Variants in PELI2 observed in about 807,000 individuals in gnomAD.
The protein encoded by PELI2 is pellino E3 ubiquitin protein ligase family member 2, also known as E3 ubiquitin-protein ligase pellino homolog 2.
A neutral mutation model predicts 42.3 loss-of-function variants in PELI2; 23 were observed. That is an observed-to-expected ratio of 0.54 (90% confidence interval 0.39 to 0.77). The LOEUF (loss-of-function observed/expected upper bound fraction) is 0.77. Among genes scored for constraint, PELI2 ranks in the 30% least tolerant of loss-of-function variants. PELI2 has a pLI of 0.00. For missense variants in PELI2, 463 were observed against 553.2 expected (o/e 0.84, Z 1.64); for synonymous variants, 245 against 212.2 (o/e 1.15, Z -1.34).
intron 3 of PELI2, among the ~76,000 whole-genome samples, chr14:56,285,125 T>A (rs755598312): frequency 6.6e-6 from 1 of 152,186 alleles, no homozygotes; most frequent in Non-Finnish European, 1.5e-5. Context: ...GAAAAGAATC[T>A]AGGTGGCAAG....
At chr14:56,227,910 C>T (rs1887419163) in intron 2 of PELI2, among the ~76,000 whole-genome samples, 1 of 152,118 alleles carries the variant, frequency 6.6e-6, no homozygotes, top group Admixed American at 6.5e-5. Context: ...AGTATAAGCA[C>T]CGAAGTAAAT....
chr14:56,222,553 C>A (rs1887179189), intron 2 of PELI2, among the ~76,000 whole-genome samples: 1 of 152,066 alleles, frequency 6.6e-6, no homozygotes, highest in Non-Finnish European at 1.5e-5. Context: ...GATATCATGC[C>A]TTAAAATGAA....
chr14:56,180,959 C>G lies in PELI2; in HGVS notation c.207+2495C>G, dbSNP rs1174407181. Among the ~76,000 whole-genome samples the G allele has an allele frequency of 1.3e-5, 2 of 152,156 alleles. No individual in the cohort carries two copies. The highest frequency in any genetic ancestry group is 2.9e-5 in the Non-Finnish European group (2 of 68,018). On this transcript the variant is annotated intron_variant, in intron 2 of 5. Coordinates refer to ENST00000267460, the MANE Select transcript of PELI2 (RefSeq NM_021255.3). This position sits in a 1 kb window ranked among gnomAD's most constrained non-coding sequence, Gnocchi z 4.4. ...TGAATGCACTCTTTTGTTATTTTTT[C>G]CATCTTATGTTTGTGGAACATATTT...
chr14:56,288,677 G>C lies in PELI2; in HGVS notation c.507+43G>C. The stretch of plus-strand genomic sequence containing the variant: ...GTACACGATTTCTAGAAAAATGCTT[G>C]TGATTATGATATGGAACATTTAATT... On this transcript the variant is annotated intron_variant, in intron 4 of 5. Transcript: ENST00000267460. This position sits in a 1 kb window ranked among gnomAD's most constrained non-coding sequence, Gnocchi z 4.6. The C allele has an allele frequency of 6.8e-7, 1 of 1,462,060 alleles. No individual in the cohort carries two copies. The allele number at this position is 1,462,060 out of a possible 1,614,324, so 90.6% of individuals were successfully genotyped here.
At chr14:56,230,244 A>G (rs1566651730) in intron 2 of PELI2, among the ~76,000 whole-genome samples, 1 of 152,214 alleles carries the variant, frequency 6.6e-6, no homozygotes, top group Non-Finnish European at 1.5e-5. Flanking sequence ...CATGAAATAC[A>G]GAGAATGCCA....
chr14:56,265,494 T>G (rs1888868863), intron 2 of PELI2, among the ~76,000 whole-genome samples: 2 of 152,100 alleles, frequency 1.3e-5, no homozygotes, highest in Non-Finnish European at 2.9e-5. Context: ...AAACTAAATA[T>G]AAAACTTCTA....
intron 2 of PELI2, among the ~76,000 whole-genome samples, chr14:56,240,768 T>A (rs562869354): frequency 6.6e-6 from 1 of 152,128 alleles, no homozygotes; most frequent in African/African-American, 2.4e-5. Context: ...TGGATGGATG[T>A]GGGTCCCCAA....
chr14:56,247,011 A>C (rs540183613), intron 2 of PELI2, among the ~76,000 whole-genome samples: 1 of 152,320 alleles, frequency 6.6e-6, no homozygotes, highest in East Asian at 1.9e-4. Context: ...TCTACTGCTT[A>C]CTTTCTGTAC....
At chr14:56,176,726 G>A (rs1885399987) in intron 1 of PELI2, among the ~76,000 whole-genome samples, 1 of 152,150 alleles carries the variant, frequency 6.6e-6, no homozygotes, top group African/African-American at 2.4e-5. Flanking sequence ...TCACATTATT[G>A]CTGTCAAGTG....
At chr14:56,147,336 G>C (rs1299890317) in intron 1 of PELI2, among the ~76,000 whole-genome samples, 1 of 152,176 alleles carries the variant, frequency 6.6e-6, no homozygotes, top group Admixed American at 6.5e-5. Flanking sequence ...GCTAGGTCTT[G>C]TGATGAGATG....
chr14:56,298,636 GTATTTTGCCTACTGGCAAA>G lies in PELI2; in HGVS notation c.*1482_*1500del, dbSNP rs916968867. 40 of 152,408 alleles carry G rather than the reference GTATTTTGCCTACTGGCAAA, an allele frequency of 2.6e-4. No homozygotes were observed. Among genetic ancestry groups the G allele is most frequent in the East Asian group, 2.3e-3 (12 of 5,170 alleles). 9.4% of individuals were successfully genotyped at this position (152,408 alleles called of 1,614,324 possible). A position where few individuals can be genotyped will look rare whatever the true frequency, so the allele number is the denominator to read the frequency against. ...TATCCATACTTGAATTGGTTTTTTC[GTATTTTGCCTACTGGCAAA>G]TATTTTGCCTATTTTCAGTCGTTCT... On this transcript the variant is annotated 3_prime_UTR_variant, in exon 6 of 6. Transcript: ENST00000267460.
intron 1 of PELI2, among the ~76,000 whole-genome samples, chr14:56,178,128 T>C (rs1885449594): frequency 6.6e-6 from 1 of 152,252 alleles, no homozygotes; most frequent in Non-Finnish European, 1.5e-5. Context: ...TAATTACTTG[T>C]ACATCACTCT....
intron 2 of PELI2, among the ~76,000 whole-genome samples, chr14:56,235,724 A>G (rs922772533): frequency 7.2e-5 from 11 of 152,238 alleles, no homozygotes; most frequent in Non-Finnish European, 1.5e-4. Flanking sequence ...TGGAAGATGG[A>G]TATTTTCATT....
chr14:56,228,800 T>C (rs2086324), intron 2 of PELI2, among the ~76,000 whole-genome samples: 60,867 of 152,034 alleles, frequency 0.4, 12,984 homozygotes, highest in South Asian at 0.53. Flanking sequence ...CAGGGTGGGG[T>C]ATCCCCTCAC....
chr14:56,292,057 G>A (rs1042513564), intron 5 of PELI2, among the ~76,000 whole-genome samples: 1 of 152,172 alleles, frequency 6.6e-6, no homozygotes, highest in South Asian at 2.1e-4. Context: ...TGAGTTTCTC[G>A]TCCACTCTGG....
intron 1 of PELI2, among the ~76,000 whole-genome samples, chr14:56,170,406 C>T (rs914188582): frequency 6.6e-6 from 1 of 152,218 alleles, no homozygotes; most frequent in Non-Finnish European, 1.5e-5. Context: ...TTGACAAATA[C>T]ATTTTTAGGT....
At chr14:56,143,153 A>G (rs948976917) in intron 1 of PELI2, among the ~76,000 whole-genome samples, 2 of 152,156 alleles carry the variant, frequency 1.3e-5, no homozygotes, top group Non-Finnish European at 2.9e-5. Context: ...TTTCATGACC[A>G]TGACTCTTTT....
intron 2 of PELI2, among the ~76,000 whole-genome samples, chr14:56,262,759 G>T (rs1370399039): frequency 6.6e-6 from 1 of 152,076 alleles, no homozygotes; most frequent in Non-Finnish European, 1.5e-5. Context: ...CCTGGCACAG[G>T]ATGTCCTAGT....
rs559204677 is a variant in PELI2 at position 56,186,765 on chromosome 14, A to G, written c.207+8301A>G. Among the ~76,000 whole-genome samples, 4 of 152,298 alleles carry G rather than the reference A, an allele frequency of 2.6e-5. No individual in the cohort carries two copies. The East Asian group carries it at 5.8e-4, about 22-fold the overall frequency. The stretch of plus-strand genomic sequence containing the variant: ...TGCATTACTGATATACAGTAATTAC[A>G]ATTTTGACTTGATGCATGTATTCGT... On this transcript the variant is annotated intron_variant, in intron 2 of 5. Coordinates refer to ENST00000267460, the MANE Select transcript of PELI2 (RefSeq NM_021255.3).
Sources: gnomAD v4.1 joint callset for allele counts (sites outside exome capture counted in the v4.1 genomes callset) on GRCh38, gnomAD v4.1.1 for gene constraint, Gnocchi (gnomAD v3.1) non-coding constraint, MANE v1.5 for transcripts, NCBI Gene and HGNC (gene_info 2026-07-23, HGNC 2026-07-21) for gene names.